Variants in AGBL4 observed in about 807,000 individuals in gnomAD.
AGBL4 encodes the protein cytosolic carboxypeptidase 6.
AGBL4 carries 58 observed loss-of-function variants against 66.4 expected under a neutral mutation model. The observed-to-expected ratio is 0.87, with a 90% CI of 0.71 to 1.09. The LOEUF is 1.09. Ranked by LOEUF, AGBL4 falls within the 50% of genes least tolerant of loss-of-function variation. AGBL4 has a pLI of 0.00. For synonymous variants in AGBL4, 234 were observed against 222.9 expected, an observed-to-expected ratio of 1.05 and a Z score of -0.44; for missense variants, 579 against 631.0, an observed-to-expected ratio of 0.92 and a Z score of 0.88.
chr1:48,762,817 G>A (rs1406376978), intron 6 of AGBL4, among the ~76,000 whole-genome samples: 5 of 152,046 alleles, frequency 3.3e-5, no homozygotes, highest in Admixed American at 3.3e-4. Context: ...AGGGATGAAG[G>A]CCCAGCTGGT....
intron 3 of AGBL4, among the ~76,000 whole-genome samples, chr1:49,310,500 C>G (rs1016359309): frequency 5.9e-5 from 9 of 152,004 alleles, no homozygotes; most frequent in Non-Finnish European, 1.0e-4. Context: ...TATAAAAGAT[C>G]ACTGTTAATA....
At chr1:49,645,945 G>T (rs1645879726) in intron 3 of AGBL4, among the ~76,000 whole-genome samples, 1 of 151,226 alleles carries the variant, frequency 6.6e-6, no homozygotes, top group African/African-American at 2.4e-5. Context: ...CTAAACAAAT[G>T]CAGAAAAAGC....
chr1:49,818,145 T>C (rs980451974), intron 2 of AGBL4, among the ~76,000 whole-genome samples: 4 of 152,072 alleles, frequency 2.6e-5, no homozygotes, highest in Non-Finnish European at 5.9e-5. Context: ...AAATTAAACA[T>C]TTGGTCACTT....
chr1:49,234,502 G>A (rs564245507), intron 4 of AGBL4, among the ~76,000 whole-genome samples: 1 of 152,200 alleles, frequency 6.6e-6, no homozygotes, highest in Non-Finnish European at 1.5e-5. Context: ...ATATAAAAGA[G>A]CATTGGTGTA....
At chr1:49,276,483 A>T (rs1369950903) in intron 3 of AGBL4, among the ~76,000 whole-genome samples, 1 of 152,182 alleles carries the variant, frequency 6.6e-6, no homozygotes, top group East Asian at 1.9e-4. Flanking sequence ...CAACAAATAG[A>T]AATGACCCTA....
At chr1:49,290,394 CA>C (rs1644511699) in intron 3 of AGBL4, among the ~76,000 whole-genome samples, 1 of 152,106 alleles carries the variant, frequency 6.6e-6, no homozygotes, top group Non-Finnish European at 1.5e-5. Flanking sequence ...ATCACTGAAA[CA>C]TATTTAAAGC....
intron 2 of AGBL4, among the ~76,000 whole-genome samples, chr1:49,746,422 T>C (rs536219668): frequency 2.0e-5 from 3 of 152,050 alleles, no homozygotes; most frequent in Non-Finnish European, 2.9e-5. Context: ...GCATAAGTGG[T>C]CTACTTTATC....
chr1:49,131,045 T>C lies in AGBL4; in HGVS notation c.378-85245A>G, dbSNP rs527547649. On this transcript the variant is annotated intron_variant, in intron 4 of 13. Transcript: ENST00000371839. ...GAATAGATAAAAATAAATTATAGCATATGTATCGATGGAATGAAATGCTAC... is the reference window on the plus strand; with the variant it reads ...GAATAGATAAAAATAAATTATAGCACATGTATCGATGGAATGAAATGCTAC... Among the ~76,000 whole-genome samples the C allele has an allele frequency of 3.1e-4, 47 of 152,236 alleles. 1 individual carries two copies. Among genetic ancestry groups the C allele is most frequent in the Middle Eastern group, 3.4e-3 (1 of 294 alleles).
At chr1:49,644,622 A>C (rs965858829) in intron 3 of AGBL4, among the ~76,000 whole-genome samples, 2 of 151,662 alleles carry the variant, frequency 1.3e-5, no homozygotes, top group African/African-American at 4.8e-5. Flanking sequence ...CCTGAAGTGA[A>C]ACTGGTAAAA....
At chr1:49,024,486 C>T (rs1420486397) in intron 5 of AGBL4, among the ~76,000 whole-genome samples, 1 of 152,108 alleles carries the variant, frequency 6.6e-6, no homozygotes, top group African/African-American at 2.4e-5. Context: ...TCCTTAATTT[C>T]TTCTATACAA....
chr1:49,893,452 T>C (rs1214459951), intron 1 of AGBL4, among the ~76,000 whole-genome samples: 8 of 152,178 alleles, frequency 5.3e-5, no homozygotes, highest in Admixed American at 5.2e-4. Context: ...GACTCTTGGA[T>C]GGCATTTCTG....
At chr1:49,788,919 T>G (rs1414152629) in intron 2 of AGBL4, among the ~76,000 whole-genome samples, 3 of 152,220 alleles carry the variant, frequency 2.0e-5, no homozygotes. Flanking sequence ...TGTCTTGTGC[T>G]GGTTTTCAAA....
chr1:49,526,447 T>C (rs973147860), intron 3 of AGBL4, among the ~76,000 whole-genome samples: 1 of 152,054 alleles, frequency 6.6e-6, no homozygotes, highest in African/African-American at 2.4e-5. Flanking sequence ...AGCTGCATAA[T>C]ATAAATTGCC....
chr1:48,854,746 A>G (rs932770141), intron 6 of AGBL4, among the ~76,000 whole-genome samples: 1 of 152,194 alleles, frequency 6.6e-6, no homozygotes, highest in Non-Finnish European at 1.5e-5. Flanking sequence ...TGACTCAATC[A>G]CAGAATGAGA....
chr1:49,471,201 A>G (rs1000590460), intron 3 of AGBL4, among the ~76,000 whole-genome samples: 3 of 152,008 alleles, frequency 2.0e-5, no homozygotes, highest in Non-Finnish European at 2.9e-5. Context: ...CCTTTTATGA[A>G]ACAAAAGCAA....
intron 4 of AGBL4, among the ~76,000 whole-genome samples, chr1:49,142,125 T>A (rs1393035201): frequency 2.0e-5 from 3 of 152,108 alleles, no homozygotes; most frequent in Non-Finnish European, 4.4e-5. Flanking sequence ...GTTGCACGCT[T>A]CTTATTGAGA....
At chr1:49,247,176 A>C (rs939742056) in intron 3 of AGBL4, among the ~76,000 whole-genome samples, 3 of 152,076 alleles carry the variant, frequency 2.0e-5, no homozygotes, top group Middle Eastern at 3.2e-3. Context: ...CATAACCCTA[A>C]ACAAGTCTAT....
At chr1:49,583,124 A>G (rs889939241) in intron 3 of AGBL4, among the ~76,000 whole-genome samples, 3 of 152,170 alleles carry the variant, frequency 2.0e-5, no homozygotes, top group Non-Finnish European at 4.4e-5. Context: ...ATCACTTGGA[A>G]TTTCCTGGGA....
intron 6 of AGBL4, among the ~76,000 whole-genome samples, chr1:48,704,907 G>A (rs917296991): frequency 4.6e-5 from 7 of 152,172 alleles, no homozygotes; most frequent in East Asian, 1.9e-4. Context: ...GACGTCCTGC[G>A]CATGATTGTA....
Sources: gnomAD v4.1 joint callset for allele counts (sites outside exome capture counted in the v4.1 genomes callset) on GRCh38, gnomAD v4.1.1 for gene constraint, MANE v1.5 for transcripts, NCBI Gene and HGNC (gene_info 2026-07-23, HGNC 2026-07-21) for gene names.